The following MARCHF1 variants were observed in gnomAD, a reference collection of about 807,000 sequenced individuals.
MARCHF1 encodes the protein membrane associated ring-CH-type finger 1, also known as E3 ubiquitin-protein ligase MARCHF1.
In MARCHF1, 40 loss-of-function variants were observed where a neutral mutation model predicts 54.2. The observed-to-expected ratio is 0.74, with a 90% confidence interval of 0.57 to 0.96. The LOEUF (loss-of-function observed/expected upper bound fraction) is 0.96, where lower values mean the gene tolerates loss of function less well. MARCHF1 is among the 40% of genes least tolerant of loss of function. MARCHF1 has a pLI of 0.00. For missense variants in MARCHF1, 586 were observed against 656.5 expected, an observed-to-expected ratio of 0.89 and a Z score of 1.17; for synonymous variants, 236 against 236.3, an observed-to-expected ratio of 1.00 and a Z score of 0.01.
At chr4:164,204,583 G>C (rs1731554576) in intron 1 of MARCHF1, among the ~76,000 whole-genome samples, 1 of 152,166 alleles carries the variant, frequency 6.6e-6, no homozygotes, top group Admixed American at 6.5e-5. Context: ...CCCAGTTATA[G>C]CTAACCATTT....
At chr4:163,608,689 G>T (rs1764139753) in intron 7 of MARCHF1, among the ~76,000 whole-genome samples, 1 of 152,020 alleles carries the variant, frequency 6.6e-6, no homozygotes. Context: ...CTCTGAAAAA[G>T]GCTGTGATGA....
At chr4:163,716,232 A>C (rs1200478737) in intron 4 of MARCHF1, among the ~76,000 whole-genome samples, 1 of 135,132 alleles carries the variant, frequency 7.4e-6, no homozygotes, top group Non-Finnish European at 1.8e-5. Context: ...CAACAACAAC[A>C]ACAACAATAC....
intron 2 of MARCHF1, among the ~76,000 whole-genome samples, chr4:163,995,079 C>T (rs1212588458): frequency 6.6e-6 from 1 of 151,972 alleles, no homozygotes; most frequent in African/African-American, 2.4e-5. Flanking sequence ...CCCACAGGTT[C>T]AGGGCTCAGT....
At chr4:164,312,918 C>G (rs1734900566) in intron 1 of MARCHF1, among the ~76,000 whole-genome samples, 1 of 152,096 alleles carries the variant, frequency 6.6e-6, no homozygotes, top group Non-Finnish European at 1.5e-5. Context: ...TGCATTAGAA[C>G]AGTAAAGCAA....
intron 1 of MARCHF1, among the ~76,000 whole-genome samples, chr4:164,335,495 T>C (rs1561006861): frequency 6.7e-6 from 1 of 149,844 alleles, no homozygotes; most frequent in Non-Finnish European, 1.5e-5. Context: ...GGCAGGAGAA[T>C]GGCGTGAACC....
chr4:163,619,837 G>A (rs760544902), intron 5 of MARCHF1, among the ~76,000 whole-genome samples: 3 of 151,546 alleles, frequency 2.0e-5, no homozygotes, highest in Non-Finnish European at 4.4e-5. Context: ...TATAATAGGT[G>A]GAAAAAATCC....
chr4:163,958,380 T>C (rs1221680456), intron 3 of MARCHF1, among the ~76,000 whole-genome samples: 1 of 152,044 alleles, frequency 6.6e-6, no homozygotes, highest in Non-Finnish European at 1.5e-5. Context: ...ATGGACTTTA[T>C]TCATTTCCCA....
chr4:163,806,795 T>C (rs548513497), intron 4 of MARCHF1, among the ~76,000 whole-genome samples: 5 of 152,274 alleles, frequency 3.3e-5, no homozygotes, highest in African/African-American at 7.2e-5. Flanking sequence ...TCAATAAACC[T>C]GCCCACCTTA....
At chr4:164,042,756 C>T (rs1754155776) in intron 2 of MARCHF1, among the ~76,000 whole-genome samples, 1 of 152,148 alleles carries the variant, frequency 6.6e-6, no homozygotes, top group Non-Finnish European at 1.5e-5. Flanking sequence ...TCTCTTCCAC[C>T]TATAAACCTG....
intron 5 of MARCHF1, among the ~76,000 whole-genome samples, chr4:163,677,311 T>A (rs1743951435): frequency 7.2e-6 from 1 of 138,768 alleles, no homozygotes; most frequent in South Asian, 2.2e-4. Context: ...GTTCTGCAAG[T>A]CTCTGTGTGA....
chr4:163,755,087 C>T (rs1042742488), intron 4 of MARCHF1, among the ~76,000 whole-genome samples: 1 of 152,110 alleles, frequency 6.6e-6, no homozygotes, highest in African/African-American at 2.4e-5. Flanking sequence ...GGTGGTGGTG[C>T]CACCTAGTTG....
intron 4 of MARCHF1, among the ~76,000 whole-genome samples, chr4:163,791,256 T>A (rs1747767104): frequency 6.6e-6 from 1 of 152,132 alleles, no homozygotes; most frequent in South Asian, 2.1e-4. Context: ...ACTGTACTTT[T>A]ACAGGCTACT....
chr4:163,803,161 CAT>C (rs1748128642), intron 4 of MARCHF1, among the ~76,000 whole-genome samples: 1 of 152,020 alleles, frequency 6.6e-6, no homozygotes, highest in African/African-American at 2.4e-5. Context: ...CAATGTAAAA[CAT>C]ATTATTATTA....
At chr4:163,672,954 A>G (rs1338281640) in intron 5 of MARCHF1, among the ~76,000 whole-genome samples, 1 of 152,028 alleles carries the variant, frequency 6.6e-6, no homozygotes, top group East Asian at 1.9e-4. Context: ...GACTCTTGTC[A>G]TTACATTGTC....
chr4:163,743,441 G>A (rs536242484), intron 4 of MARCHF1, among the ~76,000 whole-genome samples: 1 of 152,244 alleles, frequency 6.6e-6, no homozygotes, highest in South Asian at 2.1e-4. Flanking sequence ...GAAATGTAAC[G>A]TTGAGCGTTT....
intron 2 of MARCHF1, among the ~76,000 whole-genome samples, chr4:164,008,494 A>G (rs1753344381): frequency 6.6e-6 from 1 of 152,138 alleles, no homozygotes; most frequent in Non-Finnish European, 1.5e-5. Flanking sequence ...CCTAACTGGC[A>G]TTTACATAAC....
At chr4:163,678,675 C>T (rs1743995691) in intron 5 of MARCHF1, among the ~76,000 whole-genome samples, 1 of 152,144 alleles carries the variant, frequency 6.6e-6, no homozygotes, top group Non-Finnish European at 1.5e-5. Context: ...ATACTGTTCT[C>T]TTCATTGCCT....
intron 5 of MARCHF1, among the ~76,000 whole-genome samples, chr4:163,688,747 C>G (rs1175079043): frequency 4.6e-5 from 7 of 152,036 alleles, no homozygotes; most frequent in Non-Finnish European, 1.0e-4. Flanking sequence ...GCATTCATTC[C>G]TCTCTGAGTA....
intron 8 of MARCHF1, among the ~76,000 whole-genome samples, chr4:163,561,720 T>C (rs1739474334): frequency 1.3e-5 from 2 of 152,204 alleles, no homozygotes; most frequent in Admixed American, 6.5e-5. Context: ...TGGATGGATA[T>C]AATTGTTTGT....
Sources: allele counts gnomAD v4.1 joint callset (sites outside exome capture counted in the v4.1 genomes callset), GRCh38; gene constraint gnomAD v4.1.1; transcripts MANE v1.5; gene names NCBI Gene and HGNC (gene_info 2026-07-23, HGNC 2026-07-21).